DPYSL3: variants seen among roughly 807,000 people sequenced by gnomAD.
The protein encoded by DPYSL3 is dihydropyrimidinase-related protein 3.
A neutral mutation model predicts 66.1 loss-of-function variants in DPYSL3; 16 were observed. The observed-to-expected ratio is 0.24, with a 90% CI of 0.16 to 0.37. DPYSL3 has a LOEUF of 0.37. Ranked by LOEUF, DPYSL3 falls within the 10% of genes least tolerant of loss-of-function variation. The pLI is 1.00. For synonymous variants in DPYSL3, 338 were observed against 345.1 expected, an observed-to-expected ratio of 0.98 and a Z score of 0.23; for missense variants, 738 against 916.2, an observed-to-expected ratio of 0.81 and a Z score of 2.51.
At position 147,509,355 on chromosome 5, in the gene DPYSL3, T is replaced by G; in HGVS notation, c.381+123A>C. On this transcript the variant is annotated intron_variant, in intron 1 of 13. Transcript: ENST00000343218. The surrounding 1 kb of genome is among the most constrained non-coding windows in gnomAD (Gnocchi z 5.3). ...GCTACGCTCAGTGGAGGATGACCCT[T>G]TCCTCCTCCTTGTCCCCCAGCCCCG... The G allele has an allele frequency of 7.7e-7, 1 of 1,290,686 alleles. No homozygotes were observed. Among genetic ancestry groups the G allele is most frequent in the South Asian group, 1.6e-5 (1 of 63,860 alleles). 80.0% of individuals were successfully genotyped at this position (1,290,686 alleles called of 1,614,324 possible).
Position 147,393,939 on chromosome 5 carries a change from C to G in DPYSL3, c.*96G>C, listed in dbSNP as rs1033746347. On this transcript the variant is annotated 3_prime_UTR_variant, in exon 14 of 14. Coordinates refer to ENST00000343218, the MANE Select transcript of DPYSL3 (RefSeq NM_001197294.2). ...GCTTATTGATTCTTTAGATCACAAC[C>G]GTTTGGATTCGCTTTCCTTCTTAAA... is the stretch of plus-strand genomic sequence containing the variant. 38 of 1,247,734 alleles carry G rather than the reference C, an allele frequency of 3.0e-5. No homozygotes were observed. Among genetic ancestry groups the G allele is most frequent in the Non-Finnish European group, 4.2e-5 (36 of 861,962 alleles). The allele number at this position is 1,247,734 out of a possible 1,614,324, so 77.3% of individuals were successfully genotyped here.
chr5:147,424,786 C>T, intron 2 of DPYSL3, 89 bp downstream of exon 2: 1 of 1,011,416 alleles, frequency 9.9e-7, no homozygotes, highest in Non-Finnish European at 1.4e-6. Flanking sequence ...AGATTTTTTT[C>T]ACTACATTCA....
chr5:147,468,106 T>C (rs1161137845), intron 1 of DPYSL3, among the ~76,000 whole-genome samples: 1 of 152,216 alleles, frequency 6.6e-6, no homozygotes, highest in Non-Finnish European at 1.5e-5. Context: ...ATTTGGACCA[T>C]AGCAGTGATC....
intron 1 of DPYSL3, among the ~76,000 whole-genome samples, chr5:147,464,788 G>A (rs1014740418): frequency 6.6e-6 from 1 of 152,254 alleles, no homozygotes; most frequent in African/African-American, 2.4e-5. Context: ...GGTCAGTAGA[G>A]GACAATAATG....
At chr5:147,417,032 T>A (rs1402379786) in intron 3 of DPYSL3, among the ~76,000 whole-genome samples, 1 of 152,222 alleles carries the variant, frequency 6.6e-6, no homozygotes, top group Non-Finnish European at 1.5e-5. Context: ...ACAGCCAAAC[T>A]CTAACAGCGA....
intron 1 of DPYSL3, among the ~76,000 whole-genome samples, chr5:147,448,173 C>T (rs567419805): frequency 5.3e-5 from 8 of 151,728 alleles, no homozygotes; most frequent in Non-Finnish European, 8.8e-5. Context: ...CACTAAAAAA[C>T]GAGTTATGAA....
At chr5:147,457,557 G>A (rs1448043371) in intron 1 of DPYSL3, among the ~76,000 whole-genome samples, 1 of 152,218 alleles carries the variant, frequency 6.6e-6, no homozygotes, top group Non-Finnish European at 1.5e-5. Flanking sequence ...CCTGATTCTA[G>A]ATTTCAGAGC....
chr5:147,494,647 C>T (rs929353467), intron 1 of DPYSL3, among the ~76,000 whole-genome samples: 2 of 146,388 alleles, frequency 1.4e-5, no homozygotes, highest in African/African-American at 2.5e-5. Flanking sequence ...GGGCAGATCA[C>T]GAGGTCAGGA....
intron 1 of DPYSL3, among the ~76,000 whole-genome samples, chr5:147,489,384 GCAAT>G (rs1432115590): frequency 6.6e-6 from 1 of 152,208 alleles, no homozygotes; most frequent in Admixed American, 6.5e-5. Flanking sequence ...CGTATGGAAA[GCAAT>G]CAGAGAGTCC....
At chr5:147,487,975 GAT>G (rs1330594336) in intron 1 of DPYSL3, among the ~76,000 whole-genome samples, 2 of 152,134 alleles carry the variant, frequency 1.3e-5, no homozygotes, top group African/African-American at 4.8e-5. Context: ...TGTGTCTCTG[GAT>G]ATAGTCTTCT....
chr5:147,505,164 G>T (rs893703927), intron 1 of DPYSL3, among the ~76,000 whole-genome samples: 2 of 152,030 alleles, frequency 1.3e-5, no homozygotes, highest in Non-Finnish European at 2.9e-5. Context: ...AATTTAAGAA[G>T]GTGTTTATAG....
rs1753725775 is a variant in DPYSL3, at chr5:147,509,415, A to G, written c.381+63T>C. 2.1e-6 allele frequency: 3 copies of G among 1,444,846 alleles called. No homozygotes were observed. Among genetic ancestry groups the G allele is most frequent in the East Asian group, 2.5e-5 (1 of 40,012 alleles). 89.5% of individuals were successfully genotyped at this position (1,444,846 alleles called of 1,614,324 possible). On this transcript the variant is annotated intron_variant, in intron 1 of 13. Coordinates refer to ENST00000343218, the MANE Select transcript of DPYSL3 (RefSeq NM_001197294.2). The surrounding 1 kb of genome is among the most constrained non-coding windows in gnomAD (Gnocchi z 5.3). ...AGCTGGAGAAAGTTGTGCCCGGGCC[A>G]TGGCGGCCAGGGCTGGAGAAAGGAA...
At chr5:147,446,138 C>T (rs1752625740) in intron 1 of DPYSL3, among the ~76,000 whole-genome samples, 1 of 152,216 alleles carries the variant, frequency 6.6e-6, no homozygotes, top group Non-Finnish European at 1.5e-5. Context: ...GAATTTGGAA[C>T]AAAGTGAGGA....
intron 1 of DPYSL3, among the ~76,000 whole-genome samples, chr5:147,501,920 G>A (rs1418944303): frequency 6.6e-6 from 1 of 152,182 alleles, no homozygotes; most frequent in East Asian, 1.9e-4. Context: ...ACTTCACTGT[G>A]AATCCAAAAC....
At chr5:147,424,780 T>A (rs1021134339) in intron 2 of DPYSL3, 95 bp downstream of exon 2, 2 of 977,322 alleles carry the variant, frequency 2.0e-6, no homozygotes, top group African/African-American at 3.5e-5. Flanking sequence ...AAATTAAGAT[T>A]TTTTTCACTA....
At chr5:147,409,100 C>T (rs1751789290) in intron 6 of DPYSL3, among the ~76,000 whole-genome samples, 1 of 152,236 alleles carries the variant, frequency 6.6e-6, no homozygotes, top group Admixed American at 6.5e-5. Flanking sequence ...GTCTCAGCTG[C>T]CTCTGAAACT....
In DPYSL3 at chr5:147,453,852, T is replaced by G. The variant is rs1016551448; in HGVS notation, c.382-28889A>C. On this transcript the variant is annotated intron_variant, in intron 1 of 13. Coordinates refer to ENST00000343218, the MANE Select transcript of DPYSL3 (RefSeq NM_001197294.2). ...CGCGTTCACGCCCGGGTTTTGTTTT[T>G]TTTTTTCTTTTGCTGCGCCAGCTGG... The G allele has an allele frequency of 2.0e-3, 1,757 of 884,214 alleles. 8 individuals are homozygous for G. The highest frequency in any genetic ancestry group is 2.5e-3 in the Non-Finnish European group (1,646 of 661,616). The allele number at this position is 884,214 out of a possible 1,614,324, so 54.8% of individuals were successfully genotyped here. A position where few individuals can be genotyped will look rare whatever the true frequency, so the allele number is the denominator to read the frequency against.
Position 147,399,274 on chromosome 5 carries a change from T to C in DPYSL3, c.1453-22A>G, listed in dbSNP as rs777843629. ...TGGCCTATTGAAATATAAGAAATTA[T>C]ATCTATATCTATAGCTACATATATA... is the stretch of plus-strand genomic sequence containing the variant. On this transcript the variant is annotated intron_variant, in intron 10 of 13. Transcript: ENST00000343218. 44 of 1,609,864 alleles carry C rather than the reference T, an allele frequency of 2.7e-5. 1 individual carries two copies. The Admixed American group carries it at 6.9e-4, about 25-fold the overall frequency.
intron 1 of DPYSL3, among the ~76,000 whole-genome samples, chr5:147,493,427 G>C (rs1257777398): frequency 6.6e-6 from 1 of 152,096 alleles, no homozygotes; most frequent in Non-Finnish European, 1.5e-5. Context: ...TTAACAATTA[G>C]CTGGATGTGC....
Sources: allele counts gnomAD v4.1 joint callset (sites outside exome capture counted in the v4.1 genomes callset), GRCh38; gene constraint gnomAD v4.1.1; non-coding constraint Gnocchi (gnomAD v3.1); transcripts MANE v1.5; gene names NCBI Gene and HGNC (gene_info 2026-07-23, HGNC 2026-07-21).